Variants in CHST11 observed in about 807,000 individuals in gnomAD.
The protein encoded by CHST11 is carbohydrate sulfotransferase 11, also known as C4S-1.
Under a neutral mutation model 30.4 loss-of-function variants are expected in CHST11, and 9 were observed. The observed-to-expected ratio is 0.30, with a 90% CI of 0.18 to 0.52. CHST11 has a LOEUF of 0.52. Among genes scored for constraint, CHST11 ranks in the 20% least tolerant of loss-of-function variants. CHST11 has a pLI of 0.97. For missense variants in CHST11, 348 were observed against 460.6 expected, an observed-to-expected ratio of 0.76 and a Z score of 2.24; for synonymous variants, 152 against 187.8, an observed-to-expected ratio of 0.81 and a Z score of 1.56.
At chr12:104,579,983 T>A (rs1301221510) in intron 1 of CHST11, among the ~76,000 whole-genome samples, 1 of 152,214 alleles carries the variant, frequency 6.6e-6, no homozygotes, top group Non-Finnish European at 1.5e-5. Flanking sequence ...TTGCTTATAA[T>A]TGAAGACTGT....
intron 1 of CHST11, chr12:104,591,802 G>A (rs11112120): frequency 0.28 from 43,326 of 153,684 alleles, 6,296 homozygotes; most frequent in African/African-American, 0.34. Flanking sequence ...GTGACTAGTA[G>A]TTCATAAAAG....
At chr12:104,696,078 AG>A (rs2039941901) in intron 2 of CHST11, among the ~76,000 whole-genome samples, 1 of 152,138 alleles carries the variant, frequency 6.6e-6, no homozygotes, top group South Asian at 2.1e-4. Context: ...ATTAAACCCC[AG>A]GGGAGCCTCC....
Position 104,525,750 on chromosome 12 carries a change from G to T in CHST11, c.118+68221G>T, listed in dbSNP as rs140719143. On this transcript the variant is annotated intron_variant, in intron 1 of 2. Coordinates refer to ENST00000303694, the MANE Select transcript of CHST11 (RefSeq NM_018413.6). ...AACAAAAAAAGGAAAACCAAATATT[G>T]GTCATTGGAGGGTTTCTGTGGAAAT... 4.4e-3 allele frequency among the ~76,000 whole-genome samples: 670 copies of T among 152,232 alleles called. 5 individuals carry two copies. Among genetic ancestry groups the T allele is most frequent in the African/African-American group, 0.015 (627 of 41,528 alleles).
chr12:104,565,994 C>G (rs1565989421), intron 1 of CHST11, among the ~76,000 whole-genome samples: 1 of 152,200 alleles, frequency 6.6e-6, no homozygotes, highest in Non-Finnish European at 1.5e-5. Context: ...CATTCTCACT[C>G]CTTTGTGCTT....
At chr12:104,535,553 G>A (rs535299765) in intron 1 of CHST11, among the ~76,000 whole-genome samples, 1 of 152,248 alleles carries the variant, frequency 6.6e-6, no homozygotes, top group Non-Finnish European at 1.5e-5. Context: ...CTTACCTCAA[G>A]GAACATAAAC....
At chr12:104,483,518 T>C (rs1454831539) in intron 1 of CHST11, among the ~76,000 whole-genome samples, 2 of 152,168 alleles carry the variant, frequency 1.3e-5, no homozygotes, top group Non-Finnish European at 2.9e-5. Context: ...CCCATGCACT[T>C]TGACTTTTTT....
intron 2 of CHST11, among the ~76,000 whole-genome samples, chr12:104,681,815 G>A (rs1281243533): frequency 7.5e-6 from 1 of 133,474 alleles, no homozygotes; most frequent in African/African-American, 2.8e-5. Flanking sequence ...TTTTCTTTTT[G>A]TCTGTTTTGC....
At chr12:104,517,030 T>C (rs2038031032) in intron 1 of CHST11, among the ~76,000 whole-genome samples, 1 of 145,266 alleles carries the variant, frequency 6.9e-6, no homozygotes, top group Non-Finnish European at 1.5e-5. Flanking sequence ...TGCATTCTCT[T>C]TCCCCCCTTC....
intron 2 of CHST11, among the ~76,000 whole-genome samples, chr12:104,660,718 C>G (rs1012262004): frequency 1.4e-4 from 22 of 152,130 alleles, no homozygotes; most frequent in African/African-American, 4.8e-4. Flanking sequence ...AATCCGAAAC[C>G]CAGCTCTTGT....
chr12:104,537,732 G>A (rs1464086777), intron 1 of CHST11, among the ~76,000 whole-genome samples: 1 of 111,240 alleles, frequency 9.0e-6, no homozygotes, highest in African/African-American at 3.6e-5. Context: ...GTCTCACTCT[G>A]TTCCCTAGGC....
intron 1 of CHST11, among the ~76,000 whole-genome samples, chr12:104,474,396 G>A (rs1022857324): frequency 2.0e-5 from 3 of 152,152 alleles, no homozygotes; most frequent in African/African-American, 4.8e-5. Context: ...ATATTAACTC[G>A]GAATAGTGGC....
intron 2 of CHST11, among the ~76,000 whole-genome samples, chr12:104,643,892 A>AAT (rs1245566469): frequency 6.6e-6 from 1 of 152,294 alleles, no homozygotes; most frequent in East Asian, 1.9e-4. Flanking sequence ...CATCTCATAA[A>AAT]GAGACTTGTC....
chr12:104,644,619 G>A (rs1264403581), intron 2 of CHST11, among the ~76,000 whole-genome samples: 2 of 152,270 alleles, frequency 1.3e-5, no homozygotes, highest in Non-Finnish European at 2.9e-5. Flanking sequence ...CAGCACTGGG[G>A]AGGCGATGAA....
chr12:104,628,984 C>A (rs552605382), intron 2 of CHST11, among the ~76,000 whole-genome samples: 1 of 152,200 alleles, frequency 6.6e-6, no homozygotes, highest in African/African-American at 2.4e-5. Flanking sequence ...GATGGATGGA[C>A]AAGCTGGGAG....
chr12:104,471,679 C>T (rs939998763), intron 1 of CHST11, among the ~76,000 whole-genome samples: 1 of 152,060 alleles, frequency 6.6e-6, no homozygotes, highest in Non-Finnish European at 1.5e-5. Flanking sequence ...GCCATTTTTA[C>T]ATTGAAAAAA....
intron 2 of CHST11, among the ~76,000 whole-genome samples, chr12:104,653,113 A>G (rs2695996): frequency 0.71 from 107,663 of 152,138 alleles, 39,118 homozygotes; most frequent in African/African-American, 0.86. Context: ...ATCTTGCAAC[A>G]TGGAATCTCT....
chr12:104,716,097 GTGC>G (rs915551252), intron 2 of CHST11, among the ~76,000 whole-genome samples: 1 of 152,220 alleles, frequency 6.6e-6, no homozygotes, highest in African/African-American at 2.4e-5. Flanking sequence ...GGATCTGGTG[GTGC>G]TGTGTCTGCA....
intron 2 of CHST11, among the ~76,000 whole-genome samples, chr12:104,684,699 T>C (rs1294044012): frequency 6.6e-6 from 1 of 152,106 alleles, no homozygotes; most frequent in Non-Finnish European, 1.5e-5. Flanking sequence ...AGGCATGCAC[T>C]ACCATGCCTG....
intron 2 of CHST11, among the ~76,000 whole-genome samples, chr12:104,645,859 G>C (rs551735614): frequency 6.6e-6 from 1 of 152,330 alleles, no homozygotes; most frequent in African/African-American, 2.4e-5. Context: ...CTACAAATTA[G>C]GGTGTGGCTC....
Sources: allele counts gnomAD v4.1 joint callset (sites outside exome capture counted in the v4.1 genomes callset), GRCh38; gene constraint gnomAD v4.1.1; transcripts MANE v1.5; gene names NCBI Gene and HGNC (gene_info 2026-07-23, HGNC 2026-07-21).